ITIH4: variants seen among roughly 807,000 people sequenced by gnomAD.
ITIH4 encodes inter-alpha-trypsin inhibitor heavy chain 4.
A neutral mutation model predicts 111.8 loss-of-function variants in ITIH4; 79 were observed. The ratio of observed to expected loss-of-function variants is 0.71; its 90% CI spans 0.59 to 0.85. The LOEUF is 0.85. Ranked by LOEUF, ITIH4 falls within the 40% of genes least tolerant of loss-of-function variation. The probability of loss-of-function intolerance (pLI) is 0.00; values close to 1 mark genes in which losing one functional copy is unlikely to be tolerated. For synonymous variants in ITIH4, 472 were observed against 468.3 expected, an observed-to-expected ratio of 1.01 and a Z score of -0.10; for missense variants, 1,065 against 1,195.8, an observed-to-expected ratio of 0.89 and a Z score of 1.61.
Position 52,826,563 on chromosome 3 carries a change from G to A in ITIH4, c.608C>T (p.Thr203Ile). 6.2e-7 allele frequency: 1 copy of A among 1,614,018 alleles called. No individual in the cohort carries two copies. The highest frequency in any genetic ancestry group is 8.5e-7 in the Non-Finnish European group (1 of 1,179,912). The stretch of plus-strand genomic sequence containing the variant: ...CACCTTGGTCTTATTCTGCCAGGTG[G>A]TGAGGGCGTCTACCAGCTGGTTGGT... ...FMTNQLVDALTTWQNKTKAHI... is the reference protein window; with the variant it reads ...FMTNQLVDALITWQNKTKAHI... Residue 203 changes from threonine to isoleucine, a missense_variant, in exon 5 of 24, where the codon ACC becomes ATC. By Grantham distance (89) the Thr-to-Ile change is moderately conservative. Coordinates refer to ENST00000266041, the MANE Select transcript of ITIH4 (RefSeq NM_002218.5).
chr3:52,827,176 GTA>G lies in ITIH4; in HGVS notation c.271_272del (p.Tyr91ProfsTer9). On this transcript the variant is annotated frameshift_variant, in exon 3 of 24. Coordinates refer to ENST00000266041, the MANE Select transcript of ITIH4 (RefSeq NM_002218.5). LOFTEE classifies it high-confidence loss of function. ...NFSMIIDGMT[Y>X]PGIIKEKAEA... ...CAGCCTTCTCCTTGATGATCCCTGG[GTA>G]GGTCATGCCATCGATGATCCTGGGG... 6.2e-7 allele frequency: 1 copy of G among 1,614,106 alleles called. No homozygotes were observed. Among genetic ancestry groups the G allele is most frequent in the Non-Finnish European group, 8.5e-7 (1 of 1,179,978 alleles).
intron 17 of ITIH4, chr3:52,818,894 G>A (rs1700325751): frequency 6.3e-6 from 2 of 318,400 alleles, no homozygotes; most frequent in South Asian, 7.6e-5. Flanking sequence ...GTCCTGCCTT[G>A]GGGAGGGGAG....
chr3:52,820,274 G>A lies in ITIH4; in HGVS notation c.1861+17C>T. Reference sequence around the variant, plus strand: ...GACCACCACCCAGCACAGCCTTTGAGGATGTTCGCTGCTTACCTGAGTGGA... The same window carrying A: ...GACCACCACCCAGCACAGCCTTTGAAGATGTTCGCTGCTTACCTGAGTGGA... On this transcript the variant is annotated intron_variant, in intron 14 of 23. Transcript: ENST00000266041. 1.2e-6 allele frequency: 2 copies of A among 1,614,060 alleles called. No homozygotes were observed. The highest frequency in any genetic ancestry group is 1.7e-6 in the Non-Finnish European group (2 of 1,180,012).
chr3:52,819,532 G>A lies in ITIH4; in HGVS notation c.1952-14C>T, dbSNP rs759303124. On this transcript the variant is annotated splice_polypyrimidine_tract_variant and intron_variant, in intron 16 of 23. Coordinates refer to ENST00000266041, the MANE Select transcript of ITIH4 (RefSeq NM_002218.5). ...CAGCAGCTCCAGCTTTGGAGAAATC[G>A]ACAGATGCAGTCTTCTCTCAGGTGG... 2.2e-5 allele frequency: 36 copies of A among 1,613,850 alleles called. No homozygotes were observed. Among genetic ancestry groups the A allele is most frequent in the Non-Finnish European group, 2.9e-5 (34 of 1,179,976 alleles).
rs756150096 is a variant in ITIH4 at position 52,820,779 on chromosome 3, G to A, written c.1686C>T (p.Ser562=). Residue 562 remains serine (S), a synonymous_variant, in exon 13 of 24, where the codon TCC becomes TCT. Coordinates refer to ENST00000266041, the MANE Select transcript of ITIH4 (RefSeq NM_002218.5). ...GGGCCTGCTGATCAGCATCGGATGC[G>A]GAGACACTGTAGGTGGAGCACATCA... ...TIQQLLEQTV[S]ASDADQQALR... 37 of 1,611,086 alleles carry A rather than the reference G, an allele frequency of 2.3e-5. No homozygotes were observed. The highest frequency in any genetic ancestry group is 3.3e-5 in the South Asian group (3 of 90,672).
In ITIH4 at chr3:52,824,032, G is replaced by A. The variant is rs757908001; in HGVS notation, c.1172-28C>T. On this transcript the variant is annotated intron_variant, in intron 9 of 23. Transcript: ENST00000266041. The surrounding 1 kb of genome is among the most constrained non-coding windows in gnomAD (Gnocchi z 4.3). Reference sequence around the variant, plus strand: ...GGACCCAGGGGTTTGGGATGAGGGTGAGAAAATAGTGATTTGCTTGAAGAA... The same window carrying A: ...GGACCCAGGGGTTTGGGATGAGGGTAAGAAAATAGTGATTTGCTTGAAGAA... 3 of 1,543,288 alleles carry A rather than the reference G, an allele frequency of 1.9e-6. No homozygotes were observed. The highest frequency in any genetic ancestry group is 4.5e-5 in the East Asian group (2 of 44,228).
In ITIH4 at chr3:52,827,082, C is replaced by T; in HGVS notation, c.356+11G>A. The stretch of plus-strand genomic sequence containing the variant: ...GACCCTCCCCACTGAAGCTGCCCCC[C>T]ACCAGCTCACTTGACGAGGCCAGCG... On this transcript the variant is annotated intron_variant, in intron 3 of 23. Transcript: ENST00000266041. 4 of 1,612,770 alleles carry T rather than the reference C, an allele frequency of 2.5e-6. No individual in the cohort carries two copies. The highest frequency in any genetic ancestry group is 3.4e-6 in the Non-Finnish European group (4 of 1,178,770).
intron 6 of ITIH4, among the ~76,000 whole-genome samples, chr3:52,825,631 G>A (rs1274581881): frequency 1.3e-5 from 2 of 152,170 alleles, no homozygotes; most frequent in African/African-American, 4.8e-5. Flanking sequence ...AAACTGAGTT[G>A]TGAGCCTCCC....
rs1288965091 is a variant in ITIH4, at chr3:52,829,118, C to T, written c.251+1G>A. ...GGGGAGGAGGGTGGGAAGGCACCTACATGGAGAAGTTGGTGATGAAGGCTT... is the reference window on the plus strand; with the variant it reads ...GGGGAGGAGGGTGGGAAGGCACCTATATGGAGAAGTTGGTGATGAAGGCTT... On this transcript the variant is annotated splice_donor_variant, in intron 2 of 23. Transcript: ENST00000266041. LOFTEE classifies it high-confidence loss of function. The T allele has an allele frequency of 6.2e-7, 1 of 1,606,136 alleles. No individual in the cohort carries two copies. The highest frequency in any genetic ancestry group is 8.5e-7 in the Non-Finnish European group (1 of 1,173,906).
At position 52,826,778 on chromosome 3, in the gene ITIH4, T is replaced by G; in HGVS notation, c.519+13A>C. On this transcript the variant is annotated intron_variant, in intron 4 of 23. Coordinates refer to ENST00000266041, the MANE Select transcript of ITIH4 (RefSeq NM_002218.5). ...ATGCAGGAGGCCTCCCTGGAAGAGG[T>G]AGCAGCAGGTACCTGCAGGTGCTTG... The G allele has an allele frequency of 3.1e-6, 5 of 1,613,570 alleles. No homozygotes were observed. Among genetic ancestry groups the G allele is most frequent in the Non-Finnish European group, 4.2e-6 (5 of 1,179,912 alleles).
chr3:52,827,016 G>A (rs1473874701), intron 3 of ITIH4, 63 bp from the exon 4 acceptor site: 1 of 1,612,312 alleles, frequency 6.2e-7, no homozygotes. Context: ...GGTAGAGGTG[G>A]GAGCAGGACT....
rs767558239 is a variant in ITIH4 at position 52,824,249 on chromosome 3, C to G, written c.1112G>C (p.Arg371Pro). ...GAGTGAGACACTCCCTTCGGGCAGC[C>G]GCTCCTCCTGGTTGCTGCTGTCCAG... Reference protein sequence around the residue: ...QLLDSSNQEERLPEGSVSLII... With the variant: ...QLLDSSNQEEPLPEGSVSLII... Residue 371 changes from arginine to proline, a missense_variant, in exon 9 of 24, where the codon CGG becomes CCG. Arg to Pro is a moderately radical substitution (Grantham distance 103). Transcript: ENST00000266041. The surrounding 1 kb of genome is among the most constrained non-coding windows in gnomAD (Gnocchi z 4.3). The G allele has an allele frequency of 1.2e-6, 2 of 1,613,576 alleles. No individual in the cohort carries two copies. Among genetic ancestry groups the G allele is most frequent in the South Asian group, 2.2e-5 (2 of 91,080 alleles).
At position 52,829,229 on chromosome 3, in the gene ITIH4, T is replaced by C; in HGVS notation, c.141A>G (p.Arg47=). Residue 47 remains arginine (R), a synonymous_variant, in exon 2 of 24, where the codon CGA becomes CGG. Coordinates refer to ENST00000266041, the MANE Select transcript of ITIH4 (RefSeq NM_002218.5). The part of the protein sequence containing the change: ...SLTVDSRVSS[R]FAHTVVTSRV... ...GGCTGGTGACGACCGTGTGGGCAAATCGGGATGAGACCCTGGAGTCCACGG... is the reference window on the plus strand; with the variant it reads ...GGCTGGTGACGACCGTGTGGGCAAACCGGGATGAGACCCTGGAGTCCACGG... 1 of 1,613,548 alleles carries C rather than the reference T, an allele frequency of 6.2e-7. No individual in the cohort carries two copies.
chr3:52,830,528 C>T (rs376707206), intron 1 of ITIH4, 25 bp downstream of exon 1: 28 of 1,606,566 alleles, frequency 1.7e-5, no homozygotes, highest in Admixed American at 3.3e-5. Flanking sequence ...CCCCAGCTCA[C>T]GCCACACCCA....
Position 52,814,078 on chromosome 3 carries a change from T to TA in ITIH4, c.2627-8dup. The TA allele has an allele frequency of 6.2e-7, 1 of 1,612,514 alleles. No individual in the cohort carries two copies. Among genetic ancestry groups the TA allele is most frequent in the Non-Finnish European group, 8.5e-7 (1 of 1,178,974 alleles). ...ACCTCCTGGTAAAACTGGCCTGAGATACAAAGGGTGGATCAGTAAGGGTCA... is the reference window on the plus strand; with the variant it reads ...ACCTCCTGGTAAAACTGGCCTGAGATAACAAAGGGTGGATCAGTAAGGGTCA... On this transcript the variant is annotated splice_region_variant and splice_polypyrimidine_tract_variant and intron_variant, in intron 22 of 23. Coordinates refer to ENST00000266041, the MANE Select transcript of ITIH4 (RefSeq NM_002218.5).
chr3:52,827,788 C>T (rs923531488), intron 2 of ITIH4, among the ~76,000 whole-genome samples: 7 of 152,202 alleles, frequency 4.6e-5, no homozygotes, highest in Non-Finnish European at 5.9e-5. Flanking sequence ...AACTGGTGGA[C>T]GGGACTCCTG....
intron 11 of ITIH4, among the ~76,000 whole-genome samples, chr3:52,822,112 G>A (rs1700391740): frequency 6.6e-6 from 1 of 152,208 alleles, no homozygotes; most frequent in African/African-American, 2.4e-5. Context: ...GGGAGGCCAA[G>A]GTGGGCAGAT....
At position 52,819,501 on chromosome 3, in the gene ITIH4, G is replaced by C. The variant is rs774707268; in HGVS notation, c.1969C>G (p.Arg657Gly). 2 of 1,614,124 alleles carry C rather than the reference G, an allele frequency of 1.2e-6. No individual in the cohort carries two copies. The highest frequency in any genetic ancestry group is 1.7e-6 in the Non-Finnish European group (2 of 1,180,010). Residue 657 changes from arginine to glycine, a missense_variant, in exon 17 of 24, where the codon CGG becomes GGG. By Grantham distance (125) the Arg-to-Gly change is moderately radical. Transcript: ENST00000266041. ...AGAACCCCAGGTCTGAAATTCATCCGGGAGCCAGCAGCTCCAGCTTTGGAG... is the reference window on the plus strand; with the variant it reads ...AGAACCCCAGGTCTGAAATTCATCCCGGAGCCAGCAGCTCCAGCTTTGGAG... ...WNRQAGAAGS[R>G]MNFRPGVLSS...
Position 52,830,585 on chromosome 3 carries a change from G to C in ITIH4, c.58C>G (p.Leu20Val), listed in dbSNP as rs1700553219. 6.2e-7 allele frequency: 1 copy of C among 1,614,192 alleles called. No individual in the cohort carries two copies. The highest frequency in any genetic ancestry group is 1.3e-5 in the African/African-American group (1 of 75,070). The change falls in exon 1 of 24, where the codon CTG (leucine) becomes GTG (valine). Residue 20 changes from leucine to valine, a missense_variant. Leu to Val is a conservative substitution (Grantham distance 32). Transcript: ENST00000266041. Reference protein sequence around the residue: ...CSKVLVLLSLLAIHQTTTAEK... With the variant: ...CSKVLVLLSLVAIHQTTTAEK... Reference sequence around the variant, plus strand: ...GCAGTAGTAGTCTGGTGGATGGCCAGCAGTGAAAGCAGGACGAGAACTTTG... The same window carrying C: ...GCAGTAGTAGTCTGGTGGATGGCCACCAGTGAAAGCAGGACGAGAACTTTG...
Sources: allele counts gnomAD v4.1 joint callset (sites outside exome capture counted in the v4.1 genomes callset), GRCh38; gene constraint gnomAD v4.1.1; non-coding constraint Gnocchi (gnomAD v3.1); transcripts MANE v1.5; gene names NCBI Gene and HGNC (gene_info 2026-07-23, HGNC 2026-07-21).